PCSK5: variants seen among roughly 807,000 people sequenced by gnomAD.
PCSK5 encodes proprotein convertase subtilisin/kexin type 5.
PCSK5 carries 129 observed loss-of-function variants against 233.2 expected under a neutral mutation model. The observed-to-expected ratio is 0.55, with a 90% CI of 0.48 to 0.64. The LOEUF (loss-of-function observed/expected upper bound fraction) is 0.64. PCSK5 is among the 30% of genes least tolerant of loss of function. PCSK5 has a pLI of 0.00. For missense variants in PCSK5, 2,076 were observed against 2,430.1 expected, an observed-to-expected ratio of 0.85 and a Z score of 3.06; for synonymous variants, 825 against 879.2, an observed-to-expected ratio of 0.94 and a Z score of 1.09.
intron 24 of PCSK5, among the ~76,000 whole-genome samples, chr9:76,280,210 C>T (rs1032901226): frequency 1.3e-5 from 2 of 152,142 alleles, no homozygotes; most frequent in Non-Finnish European, 2.9e-5. Flanking sequence ...CCATGAACCC[C>T]ACCATGTGAG....
intron 2 of PCSK5, among the ~76,000 whole-genome samples, chr9:75,935,882 T>G (rs921950254): frequency 6.6e-6 from 1 of 152,210 alleles, no homozygotes; most frequent in African/African-American, 2.4e-5. Flanking sequence ...TTACTGGTAG[T>G]GTTAACTTTG....
chr9:76,266,502 AC>A (rs144466711), intron 24 of PCSK5, among the ~76,000 whole-genome samples: 111 of 152,294 alleles, frequency 7.3e-4, no homozygotes, highest in Middle Eastern at 3.4e-3. Context: ...TGATAAAAAA[AC>A]GTTGATGTTC....
Position 76,351,444 on chromosome 9 carries a change from A to AAAGAAAGGAAAGAAGAAAGAAAGAAAG in PCSK5, c.5067+519_5067+520insAAAGGAAAGAAGAAAGAAAGAAAGAAG, listed in dbSNP as rs1312049212. Among the ~76,000 whole-genome samples, 14 of 28,138 alleles carry AAAGAAAGGAAAGAAGAAAGAAAGAAAG rather than the reference A, an allele frequency of 5.0e-4. 1 individual carries two copies. The highest frequency in any genetic ancestry group is 1.2e-3 in the Non-Finnish European group (14 of 11,348). 18.5% of individuals were successfully genotyped at this position (28,138 alleles called of 152,430 possible). A position where few individuals can be genotyped will look rare whatever the true frequency, so the allele number is the denominator to read the frequency against. On this transcript the variant is annotated intron_variant, in intron 36 of 37. Transcript: ENST00000674117. ...ACCGCCCCCCCCTGCAATGTGAAAG[A>AAAGAAAGGAAAGAAGAAAGAAAGAAAG]AAGGAAAGAAAGAAAGAAAGAAAGA...
chr9:76,112,565 C>T (rs1213713852), intron 9 of PCSK5, among the ~76,000 whole-genome samples: 2 of 152,072 alleles, frequency 1.3e-5, no homozygotes, highest in East Asian at 3.9e-4. Context: ...TATCTTTTCC[C>T]TCCTATTGCA....
intron 20 of PCSK5, among the ~76,000 whole-genome samples, chr9:76,219,721 T>C (rs1292076042): frequency 1.3e-5 from 2 of 152,214 alleles, no homozygotes; most frequent in Non-Finnish European, 2.9e-5. Context: ...GCTGCGGGCT[T>C]GCATCTCATG....
intron 9 of PCSK5, among the ~76,000 whole-genome samples, chr9:76,108,289 C>T (rs1474894099): frequency 6.6e-6 from 1 of 152,032 alleles, no homozygotes; most frequent in Non-Finnish European, 1.5e-5. Flanking sequence ...GCAGGAGGAT[C>T]ATAAGAAAAA....
intron 30 of PCSK5, among the ~76,000 whole-genome samples, chr9:76,318,402 T>A (rs2013941): frequency 0.21 from 31,887 of 151,522 alleles, 3,497 homozygotes; most frequent in African/African-American, 0.24. Flanking sequence ...CAAACCACCA[T>A]GGCACATGTA....
At chr9:76,113,771 A>AT (rs1206713603) in intron 9 of PCSK5, among the ~76,000 whole-genome samples, 1 of 152,050 alleles carries the variant, frequency 6.6e-6, no homozygotes, top group Non-Finnish European at 1.5e-5. Context: ...TCATCTGTGT[A>AT]TTTTTTTAAA....
intron 5 of PCSK5, among the ~76,000 whole-genome samples, chr9:76,039,690 A>T (rs1216500329): frequency 6.6e-6 from 1 of 152,224 alleles, no homozygotes; most frequent in Non-Finnish European, 1.5e-5. Context: ...CAATGATTTT[A>T]AAAATGCAAT....
chr9:76,360,603 G>A lies in PCSK5; in HGVS notation c.*1681G>A, dbSNP rs1156876535. 1.3e-5 allele frequency: 2 copies of A among 152,114 alleles called. No homozygotes were observed. Among genetic ancestry groups the A allele is most frequent in the African/African-American group, 2.4e-5 (1 of 41,416 alleles). The allele number at this position is 152,114 out of a possible 1,614,324, so 9.4% of individuals were successfully genotyped here. On this transcript the variant is annotated 3_prime_UTR_variant, in exon 38 of 38. Coordinates refer to ENST00000674117, the MANE Select transcript of PCSK5 (RefSeq NM_001372043.1). The stretch of plus-strand genomic sequence containing the variant: ...GAAAATCTTTATGAAGAAGTCTTCA[G>A]TTTACTAAAGGCTTGTGCTTCTTTA...
At chr9:75,932,824 C>T (rs560062492) in intron 2 of PCSK5, among the ~76,000 whole-genome samples, 2 of 152,226 alleles carry the variant, frequency 1.3e-5, no homozygotes, top group African/African-American at 4.8e-5. Context: ...TATTTGCATA[C>T]AGATCTGAGG....
intron 7 of PCSK5, among the ~76,000 whole-genome samples, chr9:76,079,192 C>T (rs772289622): frequency 3.3e-5 from 5 of 151,748 alleles, no homozygotes; most frequent in Non-Finnish European, 7.4e-5. Flanking sequence ...CAACCTCCGC[C>T]TCTGGGGTTC....
intron 9 of PCSK5, among the ~76,000 whole-genome samples, chr9:76,111,804 G>A (rs1382205942): frequency 6.6e-6 from 1 of 152,104 alleles, no homozygotes; most frequent in Non-Finnish European, 1.5e-5. Flanking sequence ...TTAGCAACCT[G>A]GCAGAACACC....
Position 76,321,422 on chromosome 9 carries a change from G to A in PCSK5, c.3885G>A (p.Glu1295=). The change falls in exon 31 of 38, where the codon GAG becomes GAA. Residue 1295 remains glutamate, a splice_region_variant and synonymous_variant. Transcript: ENST00000674117. ...HEGRCYSKCP[E]GSYAEDGICE... is the part of the protein sequence containing the mutation. ...GTTGCACTCTGTCTTCCTTCCACAG[G>A]GGCTCTTATGCAGAAGACGGCATAT... The A allele has an allele frequency of 1.3e-6, 2 of 1,527,044 alleles. No individual in the cohort carries two copies. Among genetic ancestry groups the A allele is most frequent in the Non-Finnish European group, 1.8e-6 (2 of 1,102,130 alleles). The allele number at this position is 1,527,044 out of a possible 1,614,324, so 94.6% of individuals were successfully genotyped here.
intron 24 of PCSK5, among the ~76,000 whole-genome samples, chr9:76,279,985 G>T (rs1486799778): frequency 1.3e-5 from 2 of 151,970 alleles, no homozygotes; most frequent in Non-Finnish European, 2.9e-5. Context: ...TGAAGTCCTT[G>T]CCCATGCCTA....
chr9:76,166,309 TAGAC>T (rs1340502163), intron 12 of PCSK5, among the ~76,000 whole-genome samples: 1 of 152,232 alleles, frequency 6.6e-6, no homozygotes, highest in Admixed American at 6.5e-5. Flanking sequence ...CTTAGCCACA[TAGAC>T]AGAGCTCATT....
chr9:76,351,607 A>G lies in PCSK5; in HGVS notation c.5067+679A>G, dbSNP rs548411077. Among the ~76,000 whole-genome samples, 98 of 49,908 alleles carry G rather than the reference A, an allele frequency of 2.0e-3. 12 individuals are homozygous for G. Among genetic ancestry groups the G allele is most frequent in the African/African-American group, 3.7e-3 (94 of 25,528 alleles). The allele number at this position is 49,908 out of a possible 152,430, so 32.7% of individuals were successfully genotyped here. ...AAGGAGAGAGAGAAAGAAAGAGAAG[A>G]AAGAAAAAGAAAGAGAAAGAAAGAG... On this transcript the variant is annotated intron_variant, in intron 36 of 37. Transcript: ENST00000674117.
intron 5 of PCSK5, among the ~76,000 whole-genome samples, chr9:76,060,512 G>A (rs1829989777): frequency 6.6e-6 from 1 of 152,054 alleles, no homozygotes; most frequent in African/African-American, 2.4e-5. Flanking sequence ...TGGGAAGGGT[G>A]GAAGAAAATC....
At chr9:76,118,961 C>G (rs1832533659) in intron 9 of PCSK5, among the ~76,000 whole-genome samples, 1 of 151,714 alleles carries the variant, frequency 6.6e-6, no homozygotes, top group African/African-American at 2.4e-5. Flanking sequence ...TTTGTTGTTC[C>G]CCTCCCATTT....
Sources: allele counts gnomAD v4.1 joint callset (sites outside exome capture counted in the v4.1 genomes callset), GRCh38; gene constraint gnomAD v4.1.1; transcripts MANE v1.5; gene names NCBI Gene and HGNC (gene_info 2026-07-23, HGNC 2026-07-21).